Variants in GRM7 observed in about 807,000 individuals in gnomAD.
GRM7 encodes metabotropic glutamate receptor 7.
A neutral mutation model predicts 84.5 loss-of-function variants in GRM7; 35 were observed. The ratio of observed to expected loss-of-function variants is 0.41; its 90% CI spans 0.32 to 0.55. The LOEUF is 0.55. GRM7 is among the 20% of genes least tolerant of loss of function. GRM7 has a pLI of 0.19. For synonymous variants in GRM7, 487 were observed against 455.1 expected (o/e 1.07, Z -0.89); for missense variants, 1,003 against 1,194.6 (o/e 0.84, Z 2.36).
intron 4 of GRM7, among the ~76,000 whole-genome samples, chr3:7,366,732 G>T (rs1350336638): frequency 6.6e-6 from 1 of 151,758 alleles, no homozygotes; most frequent in Admixed American, 6.6e-5. Flanking sequence ...CTATGTGAGA[G>T]CTGGCTGTAT....
At chr3:7,211,322 C>A (rs926544938) in intron 2 of GRM7, among the ~76,000 whole-genome samples, 3 of 152,198 alleles carry the variant, frequency 2.0e-5, no homozygotes, top group Non-Finnish European at 4.4e-5. Flanking sequence ...TCCTCTTGGA[C>A]TTCAAATCAG....
At chr3:7,582,870 G>A (rs1428125783) in intron 8 of GRM7, among the ~76,000 whole-genome samples, 3 of 152,066 alleles carry the variant, frequency 2.0e-5, no homozygotes, top group Non-Finnish European at 2.9e-5. Flanking sequence ...GCTTCAACAG[G>A]TCTGGAATGC....
intron 7 of GRM7, chr3:7,560,305 A>G (rs1348576490): frequency 2.6e-5 from 4 of 152,046 alleles, no homozygotes; most frequent in Non-Finnish European, 4.4e-5. Flanking sequence ...TTTCTGGAGG[A>G]TGCTCCCATA....
At chr3:7,374,742 C>T (rs527454784) in intron 4 of GRM7, among the ~76,000 whole-genome samples, 2 of 151,456 alleles carry the variant, frequency 1.3e-5, no homozygotes, top group African/African-American at 2.4e-5. Flanking sequence ...CCGCCTGCCT[C>T]GGCCTCCCAA....
chr3:7,146,934 G>A (rs906035892), intron 2 of GRM7, among the ~76,000 whole-genome samples: 4 of 152,104 alleles, frequency 2.6e-5, no homozygotes, highest in African/African-American at 9.7e-5. Flanking sequence ...TGCCTAATGG[G>A]TAATAGGATA....
At chr3:7,248,472 T>G (rs905064868) in intron 2 of GRM7, among the ~76,000 whole-genome samples, 2 of 152,198 alleles carry the variant, frequency 1.3e-5, no homozygotes, top group African/African-American at 4.8e-5. Context: ...GTGGGTTAAC[T>G]AAGAAAGGGA....
intron 1 of GRM7, among the ~76,000 whole-genome samples, chr3:7,086,013 G>A (rs1026990608): frequency 3.3e-5 from 5 of 150,892 alleles, no homozygotes; most frequent in Admixed American, 6.6e-5. Context: ...GATAAGGACA[G>A]TAAAAGTTCT....
chr3:7,052,100 A>G (rs1186757822), intron 1 of GRM7, among the ~76,000 whole-genome samples: 2 of 151,712 alleles, frequency 1.3e-5, no homozygotes, highest in Non-Finnish European at 3.0e-5. Flanking sequence ...ACTTTGTTCC[A>G]GGAGTTTAAT....
intron 1 of GRM7, among the ~76,000 whole-genome samples, chr3:7,107,491 A>G (rs1297879432): frequency 1.3e-5 from 2 of 152,072 alleles, no homozygotes; most frequent in Non-Finnish European, 2.9e-5. Context: ...AAAGATGTGT[A>G]CCAGATAGGA....
intron 9 of GRM7, among the ~76,000 whole-genome samples, chr3:7,714,087 A>G (rs1486320442): frequency 1.3e-5 from 2 of 152,148 alleles, no homozygotes; most frequent in Non-Finnish European, 2.9e-5. Flanking sequence ...ATTTCAATGA[A>G]TATGTATTGC....
In GRM7 at chr3:7,017,387, A is replaced by G. The variant is rs116625880; in HGVS notation, c.520-129065A>G. Among the ~76,000 whole-genome samples, 148 of 152,352 alleles carry G rather than the reference A, an allele frequency of 9.7e-4. 1 individual carries two copies. The highest frequency in any genetic ancestry group is 3.2e-3 in the African/African-American group (134 of 41,578). ...GAAAATTTGTCTTCTCCACATGCAGAAGAAAACAAGTTTTATTGTTAAAAC... is the reference window on the plus strand; with the variant it reads ...GAAAATTTGTCTTCTCCACATGCAGGAGAAAACAAGTTTTATTGTTAAAAC... On this transcript the variant is annotated intron_variant, in intron 1 of 9. Coordinates refer to ENST00000357716, the MANE Select transcript of GRM7 (RefSeq NM_000844.4).
At chr3:7,231,626 G>A (rs1243147037) in intron 2 of GRM7, among the ~76,000 whole-genome samples, 5 of 152,152 alleles carry the variant, frequency 3.3e-5, no homozygotes, top group African/African-American at 7.2e-5. Context: ...GGCTTATGAT[G>A]TCTGAGGCAT....
At chr3:7,114,572 A>G (rs945181096) in intron 1 of GRM7, among the ~76,000 whole-genome samples, 1 of 152,166 alleles carries the variant, frequency 6.6e-6, no homozygotes, top group Non-Finnish European at 1.5e-5. Context: ...CACAAAAAGG[A>G]TCAATAAAGC....
chr3:7,292,586 T>G (rs887981240), intron 2 of GRM7, among the ~76,000 whole-genome samples: 2 of 152,138 alleles, frequency 1.3e-5, no homozygotes, highest in Non-Finnish European at 2.9e-5. Context: ...ACAGAACTCA[T>G]GAGACCCAGT....
At chr3:7,010,492 C>G (rs1269772317) in intron 1 of GRM7, among the ~76,000 whole-genome samples, 1 of 152,164 alleles carries the variant, frequency 6.6e-6, no homozygotes, top group Non-Finnish European at 1.5e-5. Context: ...TCTGGCTAAA[C>G]TGATCTAATA....
At chr3:7,309,131 T>A (rs1700300520) in intron 4 of GRM7, among the ~76,000 whole-genome samples, 1 of 152,192 alleles carries the variant, frequency 6.6e-6, no homozygotes, top group Non-Finnish European at 1.5e-5. Flanking sequence ...GTGGCTTCCA[T>A]CTAGCCATAT....
At chr3:7,425,860 G>A (rs1294464838) in intron 5 of GRM7, among the ~76,000 whole-genome samples, 1 of 152,170 alleles carries the variant, frequency 6.6e-6, no homozygotes, top group Non-Finnish European at 1.5e-5. Flanking sequence ...AAATCACTAT[G>A]ACAAGTAGTT....
intron 7 of GRM7, among the ~76,000 whole-genome samples, chr3:7,568,457 C>T (rs147816519): frequency 0.018 from 2,797 of 152,352 alleles, 72 homozygotes; most frequent in African/African-American, 0.064. Context: ...AGCCCTCACT[C>T]GCTCTCGGCG....
rs1278677433 is a variant in GRM7 at position 7,306,633 on chromosome 3, C to G, written c.1014C>G (p.Pro338=). 1.0e-5 allele frequency: 16 copies of G among 1,606,262 alleles called. No homozygotes were observed. Among genetic ancestry groups the G allele is most frequent in the Non-Finnish European group, 1.3e-5 (15 of 1,175,986 alleles). ...DIAEGAITIQ[P]KRATVEGFDA... is the part of the protein sequence containing the mutation. ...CAGAAGGGGCCATCACCATTCAGCCCAAGCGAGCCACGGTGGAAGGTATGG... is the reference window on the plus strand; with the variant it reads ...CAGAAGGGGCCATCACCATTCAGCCGAAGCGAGCCACGGTGGAAGGTATGG... The change falls in exon 4 of 10, where the codon CCC becomes CCG. Residue 338 remains proline, a synonymous_variant. Transcript: ENST00000357716.
Sources: allele counts gnomAD v4.1 joint callset (sites outside exome capture counted in the v4.1 genomes callset), GRCh38; gene constraint gnomAD v4.1.1; transcripts MANE v1.5; gene names NCBI Gene and HGNC (gene_info 2026-07-23, HGNC 2026-07-21).